TAFA1: variants seen among roughly 807,000 people sequenced by gnomAD.
TAFA1 encodes the protein chemokine-like protein TAFA-1.
In TAFA1, 4 loss-of-function variants were observed where a neutral mutation model predicts 18.5. That is an observed-to-expected ratio of 0.22 (90% confidence interval 0.11 to 0.49). The LOEUF (loss-of-function observed/expected upper bound fraction) is 0.49, where lower values mean the gene tolerates loss of function less well. Ranked by LOEUF, TAFA1 falls within the 20% of genes least tolerant of loss-of-function variation. The pLI, the probability that TAFA1 is intolerant of heterozygous loss-of-function variation, is 0.98. For synonymous variants in TAFA1, 56 were observed against 55.2 expected, an observed-to-expected ratio of 1.01 and a Z score of -0.06; for missense variants, 147 against 169.0, an observed-to-expected ratio of 0.87 and a Z score of 0.72.
intron 2 of TAFA1, among the ~76,000 whole-genome samples, chr3:68,410,248 C>G (rs912457582): frequency 6.6e-6 from 1 of 152,076 alleles, no homozygotes; most frequent in African/African-American, 2.4e-5. Context: ...TAGAGAGATG[C>G]CCCATGGAGT....
intron 2 of TAFA1, among the ~76,000 whole-genome samples, chr3:68,284,905 A>G (rs1440702767): frequency 2.0e-5 from 3 of 152,160 alleles, no homozygotes; most frequent in Admixed American, 1.3e-4. Flanking sequence ...CCCTGTCTCT[A>G]CAGTTTTTAT....
intron 2 of TAFA1, among the ~76,000 whole-genome samples, chr3:68,261,483 C>T (rs556624921): frequency 6.6e-6 from 1 of 152,154 alleles, no homozygotes; most frequent in Non-Finnish European, 1.5e-5. Context: ...TATTGCGGCA[C>T]TATTCACAAT....
chr3:68,234,141 T>C (rs889662939), intron 2 of TAFA1, among the ~76,000 whole-genome samples: 1 of 152,194 alleles, frequency 6.6e-6, no homozygotes, highest in Non-Finnish European at 1.5e-5. Context: ...GGTTATCAGC[T>C]GGGGTGGTGA....
chr3:68,098,562 A>G (rs1248501250), intron 2 of TAFA1, among the ~76,000 whole-genome samples: 1 of 152,132 alleles, frequency 6.6e-6, no homozygotes, highest in African/African-American at 2.4e-5. Context: ...GTGCCAGTCA[A>G]ATGATGAGAT....
intron 2 of TAFA1, among the ~76,000 whole-genome samples, chr3:68,323,159 G>A (rs2068720534): frequency 6.6e-6 from 1 of 152,150 alleles, no homozygotes; most frequent in Non-Finnish European, 1.5e-5. Flanking sequence ...TCAAACACTG[G>A]CTTTGGTATG....
intron 3 of TAFA1, among the ~76,000 whole-genome samples, chr3:68,435,755 TCAAGGATCACTATGG>T (rs2071257080): frequency 6.6e-6 from 1 of 152,182 alleles, no homozygotes; most frequent in Non-Finnish European, 1.5e-5. Flanking sequence ...TGGTTTTGCA[TCAAGGATCACTATGG>T]CAAGGGGAGT....
At chr3:68,188,863 C>T (rs927807735) in intron 2 of TAFA1, among the ~76,000 whole-genome samples, 14 of 151,230 alleles carry the variant, frequency 9.3e-5, no homozygotes, top group African/African-American at 1.5e-4. Flanking sequence ...TTTTTTTGTT[C>T]GTTTGTTTGT....
intron 3 of TAFA1, among the ~76,000 whole-genome samples, chr3:68,537,792 G>A (rs549072375): frequency 8.4e-4 from 128 of 152,010 alleles, no homozygotes; most frequent in Admixed American, 1.5e-3. Flanking sequence ...ATATGCATTT[G>A]GCATAAAAAC....
At chr3:68,139,826 C>G (rs2065649194) in intron 2 of TAFA1, among the ~76,000 whole-genome samples, 1 of 152,172 alleles carries the variant, frequency 6.6e-6, no homozygotes, top group South Asian at 2.1e-4. Flanking sequence ...ATGTGGGAAA[C>G]TGAGAATACA....
chr3:68,356,198 A>T (rs563632800), intron 2 of TAFA1, among the ~76,000 whole-genome samples: 6 of 151,856 alleles, frequency 4.0e-5, no homozygotes, highest in Non-Finnish European at 8.8e-5. Context: ...GGAATAAAAA[A>T]ACAATTTGAT....
At chr3:68,319,670 T>C (rs2068666281) in intron 2 of TAFA1, among the ~76,000 whole-genome samples, 1 of 152,252 alleles carries the variant, frequency 6.6e-6, no homozygotes, top group Non-Finnish European at 1.5e-5. Flanking sequence ...CTTTGTCCTT[T>C]AGGTAAAATC....
chr3:68,132,209 C>T (rs9836694), intron 2 of TAFA1, among the ~76,000 whole-genome samples: 33,108 of 152,102 alleles, frequency 0.22, 3,881 homozygotes, highest in East Asian at 0.43. Context: ...AGGACATGAA[C>T]TCATCCTTTT....
chr3:68,382,985 C>G (rs1287497958), intron 2 of TAFA1, among the ~76,000 whole-genome samples: 8 of 151,912 alleles, frequency 5.3e-5, no homozygotes, highest in Admixed American at 1.3e-4. Context: ...GATTGTGTTC[C>G]TGGTTTGGCT....
intron 2 of TAFA1, among the ~76,000 whole-genome samples, chr3:68,136,598 C>T (rs766652155): frequency 2.0e-5 from 3 of 152,088 alleles, no homozygotes; most frequent in African/African-American, 7.2e-5. Context: ...AGGGCGCATT[C>T]GTTGCTTCTC....
intron 2 of TAFA1, 23 bp from the exon 3 acceptor site, chr3:68,417,257 C>G (rs1212217825): frequency 6.2e-7 from 1 of 1,610,810 alleles, no homozygotes; most frequent in African/African-American, 1.3e-5. Flanking sequence ...TAATCAGTGT[C>G]CCTGTTCTTT....
At chr3:68,361,358 G>C (rs1437580894) in intron 2 of TAFA1, among the ~76,000 whole-genome samples, 3 of 151,882 alleles carry the variant, frequency 2.0e-5, no homozygotes, top group Non-Finnish European at 4.4e-5. Flanking sequence ...TGAGTGAGTA[G>C]GGTTACAGAA....
chr3:68,420,556 A>G (rs891262528), intron 3 of TAFA1, among the ~76,000 whole-genome samples: 3 of 152,116 alleles, frequency 2.0e-5, no homozygotes, highest in Non-Finnish European at 4.4e-5. Flanking sequence ...TAAAAAGTCA[A>G]GTTTGGGGAT....
intron 3 of TAFA1, among the ~76,000 whole-genome samples, chr3:68,426,857 C>G (rs776612697): frequency 9.2e-5 from 14 of 151,976 alleles, no homozygotes; most frequent in South Asian, 4.2e-4. Flanking sequence ...GGATCAGATT[C>G]ATGACTGTGG....
chr3:68,206,041 A>C (rs2066522683), intron 2 of TAFA1, among the ~76,000 whole-genome samples: 1 of 151,874 alleles, frequency 6.6e-6, no homozygotes, highest in East Asian at 1.9e-4. Context: ...GTGGAGATTA[A>C]AATGATTTTT....
Sources: allele counts gnomAD v4.1 joint callset (sites outside exome capture counted in the v4.1 genomes callset), GRCh38; gene constraint gnomAD v4.1.1; transcripts MANE v1.5; gene names NCBI Gene and HGNC (gene_info 2026-07-23, HGNC 2026-07-21).